The following COBL variants were observed in gnomAD, a reference collection of about 807,000 sequenced individuals.
COBL encodes the protein cordon-bleu WH2 repeat protein.
Under a neutral mutation model 98.8 loss-of-function variants are expected in COBL, and 51 were observed. The ratio of observed to expected loss-of-function variants is 0.52; its 90% CI spans 0.41 to 0.65. The LOEUF is 0.65. COBL is among the 30% of genes least tolerant of loss of function. The pLI is 0.00. For synonymous variants in COBL, 634 were observed against 651.7 expected (o/e 0.97, Z 0.41); for missense variants, 1,617 against 1,617.5 (o/e 1.00, Z 0.01).
At position 51,043,651 on chromosome 7, in the gene COBL, C is replaced by T; in HGVS notation, c.1138G>A (p.Gly380Arg). The T allele has an allele frequency of 1.2e-6, 2 of 1,614,152 alleles. No homozygotes were observed. Among genetic ancestry groups the T allele is most frequent in the Non-Finnish European group, 1.7e-6 (2 of 1,180,042 alleles). The change falls in exon 8 of 13, where the codon GGA becomes AGA. Residue 380 changes from glycine to arginine, a missense_variant. Physicochemically the swap from Gly to Arg is moderately radical, Grantham distance 125. Coordinates refer to ENST00000265136, the MANE Select transcript of COBL (RefSeq NM_015198.5). ...LGSGSHCSPD[G>R]APQVLSEAEE... ...GCCTCTGACAGCACCTGCGGGGCTC[C>T]ATCCGGGCTGCAGTGGCTGCCAGAC...
At chr7:51,152,074 C>T (rs1785617375) in intron 5 of COBL, among the ~76,000 whole-genome samples, 1 of 152,222 alleles carries the variant, frequency 6.6e-6, no homozygotes, top group South Asian at 2.1e-4. Context: ...TGCACACATT[C>T]CATAACGATG....
At chr7:51,094,321 T>C (rs991779072) in intron 6 of COBL, among the ~76,000 whole-genome samples, 20 of 152,044 alleles carry the variant, frequency 1.3e-4, no homozygotes, top group Admixed American at 3.3e-4. Flanking sequence ...ATGGTGACCA[T>C]AGTTAATAAC....
chr7:51,207,288 C>T (rs1791830471), intron 2 of COBL, among the ~76,000 whole-genome samples: 1 of 150,280 alleles, frequency 6.7e-6, no homozygotes, highest in African/African-American at 2.5e-5. Context: ...CATAAAAGTA[C>T]ACATTTAATT....
intron 1 of COBL, among the ~76,000 whole-genome samples, chr7:51,308,078 C>A (rs149170778): frequency 6.6e-6 from 1 of 152,310 alleles, no homozygotes; most frequent in African/African-American, 2.4e-5. Flanking sequence ...GACGGGAAAG[C>A]CTGGCAAGGA....
intron 1 of COBL, among the ~76,000 whole-genome samples, chr7:51,308,536 C>T (rs887484267): frequency 9.9e-5 from 15 of 152,194 alleles, no homozygotes; most frequent in African/African-American, 3.6e-4. Flanking sequence ...AAAGTTAATC[C>T]ATTTGGTATT....
chr7:51,135,799 C>A (rs951798424), intron 6 of COBL, among the ~76,000 whole-genome samples: 1 of 152,178 alleles, frequency 6.6e-6, no homozygotes, highest in Admixed American at 6.5e-5. Flanking sequence ...TTGTGGCATG[C>A]TGCCTCCACA....
intron 1 of COBL, among the ~76,000 whole-genome samples, chr7:51,268,334 G>A (rs1260285892): frequency 1.3e-5 from 2 of 152,148 alleles, no homozygotes; most frequent in African/African-American, 2.4e-5. Context: ...ACCCTCCACT[G>A]TGGGAAAAAT....
intron 7 of COBL, among the ~76,000 whole-genome samples, chr7:51,050,814 G>A (rs917965493): frequency 3.3e-5 from 5 of 152,086 alleles, no homozygotes; most frequent in Admixed American, 1.3e-4. Flanking sequence ...CTAAAAAATC[G>A]CCACAAAACC....
At position 51,138,944 on chromosome 7, in the gene COBL, G is replaced by T. The variant is rs6965153; in HGVS notation, c.784-2613C>A. 6.4e-3 allele frequency among the ~76,000 whole-genome samples: 976 copies of T among 152,272 alleles called. 7 individuals are homozygous for T. Among genetic ancestry groups the T allele is most frequent in the African/African-American group, 0.023 (939 of 41,548 alleles). ...TCACCACAACTATGCCTGCCTGACTGATCAATCAATACTGCTGTGAATCCA... is the reference window on the plus strand; with the variant it reads ...TCACCACAACTATGCCTGCCTGACTTATCAATCAATACTGCTGTGAATCCA... On this transcript the variant is annotated intron_variant, in intron 5 of 12. Transcript: ENST00000265136.
chr7:51,019,915 G>A (rs936578264), intron 12 of COBL, among the ~76,000 whole-genome samples: 2 of 152,226 alleles, frequency 1.3e-5, no homozygotes, highest in East Asian at 3.8e-4. Flanking sequence ...TAGATGAAAA[G>A]AGAGTTGGTG....
intron 2 of COBL, among the ~76,000 whole-genome samples, chr7:51,215,554 A>C (rs1792951302): frequency 6.6e-6 from 1 of 152,236 alleles, no homozygotes; most frequent in Admixed American, 6.5e-5. Context: ...GCTCTGGCTC[A>C]CAGGAATTTA....
At chr7:51,261,227 C>T (rs1371953084) in intron 1 of COBL, among the ~76,000 whole-genome samples, 2 of 152,222 alleles carry the variant, frequency 1.3e-5, no homozygotes, top group African/African-American at 4.8e-5. Context: ...AAACGGCAGC[C>T]TTTGGCTGGG....
chr7:51,264,799 GAAAT>G (rs1798052587), intron 1 of COBL, among the ~76,000 whole-genome samples: 2 of 151,728 alleles, frequency 1.3e-5, no homozygotes, highest in Admixed American at 1.3e-4. Context: ...GGTATACAAT[GAAAT>G]AAAATATACC....
At chr7:51,101,762 T>C (rs766331061) in intron 6 of COBL, among the ~76,000 whole-genome samples, 5 of 152,248 alleles carry the variant, frequency 3.3e-5, no homozygotes, top group Admixed American at 6.5e-5. Context: ...TAGCATATTC[T>C]ATGAGGAACA....
chr7:51,154,332 T>C (rs977174104), intron 5 of COBL, among the ~76,000 whole-genome samples: 1 of 152,154 alleles, frequency 6.6e-6, no homozygotes, highest in Non-Finnish European at 1.5e-5. Flanking sequence ...GAGCGCAAAC[T>C]GAAGCAGAGA....
At chr7:51,239,687 G>A (rs1795591138) in intron 1 of COBL, among the ~76,000 whole-genome samples, 1 of 152,112 alleles carries the variant, frequency 6.6e-6, no homozygotes, top group African/African-American at 2.4e-5. Flanking sequence ...GTTTGGATCA[G>A]ACCCCTTTCT....
intron 2 of COBL, among the ~76,000 whole-genome samples, chr7:51,208,232 G>A (rs1435198167): frequency 4.0e-5 from 6 of 149,274 alleles, no homozygotes; most frequent in African/African-American, 7.4e-5. Context: ...CCCTCCGCCC[G>A]GCAGCCGCCC....
intron 1 of COBL, among the ~76,000 whole-genome samples, chr7:51,236,092 A>G (rs1795230494): frequency 6.6e-6 from 1 of 152,210 alleles, no homozygotes; most frequent in African/African-American, 2.4e-5. Flanking sequence ...GAAGGAAACT[A>G]ACGCTGACCA....
intron 7 of COBL, among the ~76,000 whole-genome samples, chr7:51,074,155 C>T (rs1264250200): frequency 6.7e-6 from 1 of 150,132 alleles, no homozygotes; most frequent in African/African-American, 2.5e-5. Context: ...GATTCATAAT[C>T]TCTATTTACT....
Sources: gnomAD v4.1 joint callset for allele counts (sites outside exome capture counted in the v4.1 genomes callset) on GRCh38, gnomAD v4.1.1 for gene constraint, MANE v1.5 for transcripts, NCBI Gene and HGNC (gene_info 2026-07-23, HGNC 2026-07-21) for gene names.